Variants in KIAA1217 observed in about 807,000 individuals in gnomAD.
KIAA1217 encodes KIAA1217, also known as sickle tail protein homolog.
A neutral mutation model predicts 163.9 loss-of-function variants in KIAA1217; 88 were observed. The ratio of observed to expected loss-of-function variants is 0.54; its 90% CI spans 0.45 to 0.64. KIAA1217 has a LOEUF of 0.64. Among genes scored for constraint, KIAA1217 ranks in the 30% least tolerant of loss-of-function variants. The pLI is 0.00. For missense variants in KIAA1217, 2,372 were observed against 2,475.0 expected (o/e 0.96, Z 0.88); for synonymous variants, 903 against 923.1 (o/e 0.98, Z 0.39).
chr10:23,925,292 CT>C (rs748577762), intron 1 of KIAA1217, among the ~76,000 whole-genome samples: 116 of 152,262 alleles, frequency 7.6e-4, no homozygotes, highest in Non-Finnish European at 1.4e-3. Flanking sequence ...AGGCATGCCC[CT>C]GATCAACAAA....
chr10:24,367,007 A>T (rs1002685510), intron 2 of KIAA1217: 1 of 193,534 alleles, frequency 5.2e-6, no homozygotes, highest in Non-Finnish European at 9.5e-6. Context: ...TAACCGTGCT[A>T]CATTTTCATC....
At chr10:23,858,413 C>T (rs775569376) in intron 1 of KIAA1217, among the ~76,000 whole-genome samples, 15 of 151,592 alleles carry the variant, frequency 9.9e-5, no homozygotes, top group Non-Finnish European at 1.9e-4. Flanking sequence ...TTTTATTCAC[C>T]ACAACAGCAT....
intron 1 of KIAA1217, among the ~76,000 whole-genome samples, chr10:23,967,135 G>A (rs1269439611): frequency 2.6e-5 from 4 of 151,880 alleles, no homozygotes; most frequent in Non-Finnish European, 5.9e-5. Flanking sequence ...GAAAACAAAT[G>A]GCAAAATTGT....
chr10:23,773,595 G>A (rs1313127206), intron 1 of KIAA1217, among the ~76,000 whole-genome samples: 2 of 152,188 alleles, frequency 1.3e-5, no homozygotes, highest in Admixed American at 6.5e-5. Context: ...CTACCCATGA[G>A]CACAGAATGT....
chr10:24,254,806 T>C (rs1424947918), intron 2 of KIAA1217, among the ~76,000 whole-genome samples: 1 of 152,144 alleles, frequency 6.6e-6, no homozygotes, highest in African/African-American at 2.4e-5. Flanking sequence ...TAACTGCCCA[T>C]TGGATACTGG....
At chr10:24,166,166 G>GA (rs935145110) in intron 2 of KIAA1217, among the ~76,000 whole-genome samples, 2,386 of 146,480 alleles carry the variant, frequency 0.016, 60 homozygotes, top group African/African-American at 0.053. Flanking sequence ...CTGAGTGATT[G>GA]AAAAAAAAAA....
rs138363765 is a variant in KIAA1217, at chr10:24,164,727, G to A, written c.-170-54899G>A. ...GAACAAAGAGACTTGTGTATCCCAC[G>A]TAATTAAGATAACCCCCAACAATTG... On this transcript the variant is annotated intron_variant, in intron 2 of 18. Transcript: ENST00000376462. 1.2e-3 allele frequency among the ~76,000 whole-genome samples: 177 copies of A among 152,224 alleles called. 1 individual carries two copies. Among genetic ancestry groups the A allele is most frequent in the African/African-American group, 4.1e-3 (169 of 41,536 alleles).
intron 2 of KIAA1217, among the ~76,000 whole-genome samples, chr10:24,276,286 T>C (rs2077274889): frequency 6.6e-6 from 1 of 152,198 alleles, no homozygotes; most frequent in Non-Finnish European, 1.5e-5. Flanking sequence ...TTATAAGGCA[T>C]TTCAGTTTTG....
intron 2 of KIAA1217, among the ~76,000 whole-genome samples, chr10:24,168,356 C>G (rs1299758850): frequency 2.6e-5 from 4 of 152,086 alleles, no homozygotes; most frequent in African/African-American, 9.7e-5. Flanking sequence ...AGTAACTTGT[C>G]TAAGCATGCA....
At chr10:24,542,486 T>A in intron 17 of KIAA1217, 1 of 1,398,562 alleles carries the variant, frequency 7.2e-7, no homozygotes, top group Non-Finnish European at 9.3e-7. Context: ...TAATTGAGAT[T>A]TTCATCTTGT....
At position 24,069,053 on chromosome 10, in the gene KIAA1217, A is replaced by G. The variant is rs561859251; in HGVS notation, c.-171+61679A>G. ...ACACACAATCCAACTGCTTCCCTCCACAGGGAAAAACTAGGAGCTGACTTT... is the reference window on the plus strand; with the variant it reads ...ACACACAATCCAACTGCTTCCCTCCGCAGGGAAAAACTAGGAGCTGACTTT... On this transcript the variant is annotated intron_variant, in intron 2 of 18. Transcript: ENST00000376462. Among the ~76,000 whole-genome samples, 6 of 152,306 alleles carry G rather than the reference A, an allele frequency of 3.9e-5. No individual in the cohort carries two copies. In the East Asian group the frequency reaches 9.7e-4, roughly 25 times the overall value.
rs951238416 is a variant in KIAA1217, at chr10:24,366,089, A to C, written c.355-14780A>C. ...ACTCTTCTTGCATGAGGATTATAGA[A>C]ATTTTCATTTTTTAAGTCACAAAAA... On this transcript the variant is annotated intron_variant, in intron 2 of 20. Transcript: ENST00000376454. Among the ~76,000 whole-genome samples, 3 of 152,112 alleles carry C rather than the reference A, an allele frequency of 2.0e-5. No homozygotes were observed. In the South Asian group the frequency reaches 6.2e-4, roughly 32 times the overall value.
chr10:23,750,116 T>G (rs1438079845), intron 1 of KIAA1217, among the ~76,000 whole-genome samples: 2 of 152,208 alleles, frequency 1.3e-5, no homozygotes, highest in Non-Finnish European at 2.9e-5. Flanking sequence ...CCTAGGCCAT[T>G]GCAGTCCTTT....
chr10:24,094,067 T>C (rs2062048798), intron 2 of KIAA1217, among the ~76,000 whole-genome samples: 1 of 152,040 alleles, frequency 6.6e-6, no homozygotes, highest in African/African-American at 2.4e-5. Context: ...ACATTTGGGT[T>C]GGTTCCAAGT....
chr10:24,080,302 GT>G (rs1390367562), intron 2 of KIAA1217, among the ~76,000 whole-genome samples: 1 of 152,162 alleles, frequency 6.6e-6, no homozygotes, highest in African/African-American at 2.4e-5. Context: ...AAGCTGTTTG[GT>G]TGTTTATACG....
chr10:24,487,544 A>G (rs1052000242), intron 6 of KIAA1217, among the ~76,000 whole-genome samples: 1 of 152,248 alleles, frequency 6.6e-6, no homozygotes, highest in East Asian at 1.9e-4. Flanking sequence ...TCCACATCTC[A>G]TTGCCAGTTT....
At chr10:24,336,427 A>G (rs2046365215) in intron 2 of KIAA1217, among the ~76,000 whole-genome samples, 2 of 152,228 alleles carry the variant, frequency 1.3e-5, no homozygotes, top group South Asian at 2.1e-4. Context: ...TACCTTTTCT[A>G]CAACATAAGC....
rs543294312 is a variant in KIAA1217, at chr10:24,520,202, G to A, written c.2257G>A (p.Asp753Asn). ...SRLVTLKDVEDGAFLLRQVGE... is the reference protein window; with the variant it reads ...SRLVTLKDVENGAFLLRQVGE... ...ATTGGTTACTCTGAAAGACGTGGAA[G>A]ACGGGGCTTTCCTCCTGCGTCAAGT... Residue 753 changes from aspartate (D) to asparagine (N), a missense_variant, in exon 11 of 21, where the codon GAC becomes AAC. This residue lies in a region of KIAA1217 where 1,431 missense variants were observed against 1,470.3 expected (regional missense o/e 0.97). Transcript: ENST00000376454. 13 of 1,614,168 alleles carry A rather than the reference G, an allele frequency of 8.1e-6. No individual in the cohort carries two copies. The African/African-American group carries it at 1.3e-4, about 17-fold the overall frequency.
intron 1 of KIAA1217, among the ~76,000 whole-genome samples, chr10:23,987,207 C>G (rs1846008564): frequency 6.6e-6 from 1 of 151,846 alleles, no homozygotes; most frequent in Non-Finnish European, 1.5e-5. Flanking sequence ...GAAACCCTGT[C>G]TCTACTAAAA....
Sources: allele counts gnomAD v4.1 joint callset (sites outside exome capture counted in the v4.1 genomes callset), GRCh38; gene constraint gnomAD v4.1.1; regional missense constraint gnomAD v4.1.1; transcripts MANE v1.5; gene names NCBI Gene and HGNC (gene_info 2026-07-23, HGNC 2026-07-21).